FILIP1L: variants seen among roughly 807,000 people sequenced by gnomAD.
FILIP1L encodes filamin A-interacting protein 1-like.
Under a neutral mutation model 96.6 loss-of-function variants are expected in FILIP1L, and 55 were observed. That is an observed-to-expected ratio of 0.57 (90% confidence interval 0.46 to 0.71). FILIP1L has a LOEUF of 0.71. Among genes scored for constraint, FILIP1L ranks in the 30% least tolerant of loss-of-function variants. FILIP1L has a pLI of 0.00. For synonymous variants in FILIP1L, 467 were observed against 473.9 expected (o/e 0.99, Z 0.19); for missense variants, 1,304 against 1,321.2 (o/e 0.99, Z 0.20).
chr3:100,078,341 T>G (rs1430863506), intron 1 of FILIP1L, among the ~76,000 whole-genome samples: 7 of 152,224 alleles, frequency 4.6e-5, no homozygotes, highest in Admixed American at 2.0e-4. Context: ...TGCCTAATTT[T>G]TTTTTCTGTT....
Position 100,035,274 on chromosome 3 carries a change from G to T in FILIP1L, c.-11+78779C>A, listed in dbSNP as rs531024121. Among the ~76,000 whole-genome samples, 17 of 151,948 alleles carry T rather than the reference G, an allele frequency of 1.1e-4. No homozygotes were observed. The East Asian group carries it at 1.5e-3, about 14-fold the overall frequency. ...GCGCATATTCCTCCTTAAATTATTA[G>T]TATTATTATTATTATTTGAGACACA... On this transcript the variant is annotated intron_variant, in intron 1 of 5. Coordinates refer to ENST00000477258, the MANE Select transcript of FILIP1L (RefSeq NM_001387850.1).
chr3:100,070,966 T>G (rs2065751213), intron 1 of FILIP1L, among the ~76,000 whole-genome samples: 1 of 152,198 alleles, frequency 6.6e-6, no homozygotes, highest in Non-Finnish European at 1.5e-5. Flanking sequence ...CCTTATTAAA[T>G]TCTCACTATG....
intron 1 of FILIP1L, among the ~76,000 whole-genome samples, chr3:100,049,775 C>A (rs984902672): frequency 1.3e-5 from 2 of 152,228 alleles, no homozygotes; most frequent in South Asian, 2.1e-4. Flanking sequence ...CTAACATTTT[C>A]TTTTCTCTAG....
chr3:100,085,498 C>CT (rs1443424292), intron 1 of FILIP1L, among the ~76,000 whole-genome samples: 1 of 152,168 alleles, frequency 6.6e-6, no homozygotes. Context: ...AGTTCCTTTG[C>CT]TTTTTTATCT....
In FILIP1L at chr3:99,829,913, T is replaced by A. The variant is rs1458263676; in HGVS notation, c.*501A>T. Among the ~76,000 whole-genome samples, 2 of 152,254 alleles carry A rather than the reference T, an allele frequency of 1.3e-5. No individual in the cohort carries two copies. Among genetic ancestry groups the A allele is most frequent in the Non-Finnish European group, 2.9e-5 (2 of 68,050 alleles). On this transcript the variant is annotated 3_prime_UTR_variant, in exon 6 of 6. Coordinates refer to ENST00000477258, the MANE Select transcript of FILIP1L (RefSeq NM_001387850.1). ...TATCACTTTGCTTTTTCCCTCCTGG[T>A]CATAAAGAAATCATAGTTTTAGACC...
At chr3:99,937,627 G>T (rs1013847815) in intron 1 of FILIP1L, among the ~76,000 whole-genome samples, 1 of 152,180 alleles carries the variant, frequency 6.6e-6, no homozygotes, top group African/African-American at 2.4e-5. Context: ...TTAGCACAGG[G>T]CCCCTGTTGT....
intron 1 of FILIP1L, among the ~76,000 whole-genome samples, chr3:100,098,648 A>G (rs537391351): frequency 1.4e-4 from 21 of 152,326 alleles, no homozygotes; most frequent in Admixed American, 1.3e-3. Flanking sequence ...CTGGAGTATA[A>G]GTACCTACAG....
At chr3:100,067,038 A>ACT (rs2065678115) in intron 1 of FILIP1L, among the ~76,000 whole-genome samples, 1 of 152,182 alleles carries the variant, frequency 6.6e-6, no homozygotes, top group Non-Finnish European at 1.5e-5. Context: ...CTTTGTATTC[A>ACT]GAAGGGCAAG....
intron 1 of FILIP1L, among the ~76,000 whole-genome samples, chr3:100,089,152 G>A (rs2066061908): frequency 6.6e-6 from 1 of 152,188 alleles, no homozygotes; most frequent in African/African-American, 2.4e-5. Context: ...AACATGAAGT[G>A]TCTAGACATA....
At chr3:99,856,185 T>C (rs533606844) in intron 4 of FILIP1L, among the ~76,000 whole-genome samples, 17 of 152,364 alleles carry the variant, frequency 1.1e-4, no homozygotes, top group African/African-American at 4.1e-4. Context: ...TAGTTGTACC[T>C]TTGTCTGATG....
At chr3:99,882,389 AGTG>A (rs1705758014) in intron 4 of FILIP1L, among the ~76,000 whole-genome samples, 3 of 152,330 alleles carry the variant, frequency 2.0e-5, no homozygotes, top group South Asian at 4.1e-4. Flanking sequence ...ATAAGCAGTC[AGTG>A]GTGGTGGTAA....
At chr3:99,959,261 T>C (rs911957342) in intron 1 of FILIP1L, among the ~76,000 whole-genome samples, 1 of 152,204 alleles carries the variant, frequency 6.6e-6, no homozygotes, top group Non-Finnish European at 1.5e-5. Flanking sequence ...GTGATTCTCA[T>C]GCCTCAGCCT....
intron 1 of FILIP1L, among the ~76,000 whole-genome samples, chr3:100,062,090 CTTCTTTTTTTTTTTTTTTTTTTTT>C (rs1223260107): frequency 1.5e-5 from 1 of 67,880 alleles, no homozygotes; most frequent in Non-Finnish European, 2.8e-5. Flanking sequence ...ATCCTGTCTT[CTTCTTTTTTTTTTTTTTTTTTTTT>C]TTTTTTTTTT....
At chr3:99,985,627 TGC>T (rs1709316595) in intron 1 of FILIP1L, among the ~76,000 whole-genome samples, 2 of 152,244 alleles carry the variant, frequency 1.3e-5, no homozygotes, top group South Asian at 4.1e-4. Context: ...CTCGCTCTGT[TGC>T]CCAGGCTGGA....
At position 99,971,154 on chromosome 3, in the gene FILIP1L, G is replaced by A. The variant is rs532763719; in HGVS notation, c.-10-40124C>T. On this transcript the variant is annotated intron_variant, in intron 1 of 5. Coordinates refer to ENST00000477258, the MANE Select transcript of FILIP1L (RefSeq NM_001387850.1). ...AGATCGAGACCATCCTGGCTAACAT[G>A]GTGAAACCCCGTCTCTACTAAAAAT... Among the ~76,000 whole-genome samples the A allele has an allele frequency of 2.7e-3, 404 of 152,202 alleles. 4 individuals are homozygous for A. Among genetic ancestry groups the A allele is most frequent in the African/African-American group, 8.7e-3 (362 of 41,532 alleles).
In FILIP1L at chr3:99,848,734, A is replaced by G; in HGVS notation, c.2942T>C (p.Phe981Ser). The change falls in exon 5 of 6, where the codon TTT becomes TCT. Residue 981 changes from phenylalanine to serine, a missense_variant. By Grantham distance (155) the Phe-to-Ser change is radical. Coordinates refer to ENST00000477258, the MANE Select transcript of FILIP1L (RefSeq NM_001387850.1). ...AGACTCTGGGGTCTGTGCTCTGGCA[A>G]AGGTTGCCATGGTAATTGGGGACAT... The part of the protein sequence containing the change: ...QGMSPITMAT[F>S]ARAQTPESCG... 38 of 1,614,194 alleles carry G rather than the reference A, an allele frequency of 2.4e-5. No homozygotes were observed. Among genetic ancestry groups the G allele is most frequent in the Non-Finnish European group, 3.2e-5 (38 of 1,180,018 alleles).
At chr3:100,010,615 T>TC (rs1212153487) in intron 1 of FILIP1L, among the ~76,000 whole-genome samples, 2 of 150,698 alleles carry the variant, frequency 1.3e-5, no homozygotes, top group Non-Finnish European at 3.0e-5. Context: ...TTTCTTTCTT[T>TC]TTTTTTTTTT....
intron 4 of FILIP1L, among the ~76,000 whole-genome samples, chr3:99,856,937 C>A (rs2107544084): frequency 6.6e-6 from 1 of 152,218 alleles, no homozygotes; most frequent in South Asian, 2.1e-4. Context: ...TATTATAATT[C>A]TTACCGCTTT....
intron 5 of FILIP1L, among the ~76,000 whole-genome samples, chr3:99,841,088 G>T (rs1943109939): frequency 6.6e-6 from 1 of 152,216 alleles, no homozygotes; most frequent in Non-Finnish European, 1.5e-5. Context: ...AATGTGTCAT[G>T]ATCAGTGGAT....
Sources: allele counts gnomAD v4.1 joint callset (sites outside exome capture counted in the v4.1 genomes callset), GRCh38; gene constraint gnomAD v4.1.1; transcripts MANE v1.5; gene names NCBI Gene and HGNC (gene_info 2026-07-23, HGNC 2026-07-21).